LARP1: variants seen among roughly 807,000 people sequenced by gnomAD.
LARP1 encodes La ribonucleoprotein 1, translational regulator, also known as la-related protein 1.
LARP1 carries 36 observed loss-of-function variants against 122.7 expected under a neutral mutation model. The observed-to-expected ratio is 0.29, with a 90% confidence interval of 0.22 to 0.39. LARP1 has a LOEUF of 0.39. Ranked by LOEUF, LARP1 falls within the 10% of genes least tolerant of loss-of-function variation. The pLI, the probability that LARP1 is intolerant of heterozygous loss-of-function variation, is 1.00. For synonymous variants in LARP1, 539 were observed against 528.7 expected, an observed-to-expected ratio of 1.02 and a Z score of -0.27; for missense variants, 1,040 against 1,403.6, an observed-to-expected ratio of 0.74 and a Z score of 4.14.
exon 1 of LARP1, chr5:154,712,908 C>T: frequency 6.2e-7 from 1 of 1,609,348 alleles, no homozygotes. Flanking sequence ...CATAGTGACC[C>T]CAGGCCCTGG....
chr5:154,683,397 A>G (rs1216795755), intron 1 of LARP1, among the ~76,000 whole-genome samples: 1 of 152,252 alleles, frequency 6.6e-6, no homozygotes, highest in Admixed American at 6.5e-5. Context: ...ATACTTAAAC[A>G]TCACTCATTT....
rs767016027 is a variant in LARP1 at position 154,791,398 on chromosome 5, GA to G, written c.564+689del. On this transcript the variant is annotated intron_variant, in intron 3 of 18. Transcript: ENST00000518297. ...CTGGCTAATTTTTGTATATTTTAGA[GA>G]CGAGGTTTTACCATGTTGGCCAGGC... Among the ~76,000 whole-genome samples the G allele has an allele frequency of 1.8e-4, 28 of 151,992 alleles. No homozygotes were observed. The Middle Eastern group carries it at 0.01, about 55-fold the overall frequency.
intron 14 of LARP1, chr5:154,804,732 G>C (rs934936744): frequency 2.2e-6 from 1 of 456,042 alleles, no homozygotes; most frequent in Non-Finnish European, 4.4e-6. Flanking sequence ...TGCTGACCCT[G>C]CTTCTTGGGG....
intron 1 of LARP1, chr5:154,685,725 A>T: frequency 2.6e-6 from 1 of 387,130 alleles, no homozygotes; most frequent in Non-Finnish European, 5.0e-6. Flanking sequence ...TAATTCCAAC[A>T]CTTTGGGAGG....
intron 1 of LARP1, among the ~76,000 whole-genome samples, chr5:154,743,834 G>A (rs1379627129): frequency 1.3e-5 from 2 of 152,114 alleles, no homozygotes; most frequent in East Asian, 3.9e-4. Flanking sequence ...TGGCCAGGCT[G>A]GTCTCCAACT....
chr5:154,713,865 T>C (rs1307319740), intron 1 of LARP1, among the ~76,000 whole-genome samples: 4 of 152,154 alleles, frequency 2.6e-5, no homozygotes, highest in Non-Finnish European at 5.9e-5. Context: ...GGAAGCCTGG[T>C]TGGGGGAGCT....
In LARP1 at chr5:154,759,518, A is replaced by G. The variant is rs549062910; in HGVS notation, c.436+3325A>G. On this transcript the variant is annotated intron_variant, in intron 1 of 18. Transcript: ENST00000518297. ...ATGTGGTGAGATGAATTTTAAAAAAATAAGTTTTAACTTTTTAGTTTGCCT... is the reference window on the plus strand; with the variant it reads ...ATGTGGTGAGATGAATTTTAAAAAAGTAAGTTTTAACTTTTTAGTTTGCCT... Among the ~76,000 whole-genome samples the G allele has an allele frequency of 1.5e-4, 23 of 152,342 alleles. No individual in the cohort carries two copies. In the South Asian group the frequency reaches 2.1e-3, roughly 14 times the overall value.
upstream of LARP1, among the ~76,000 whole-genome samples, chr5:154,710,297 T>G (rs1405377824): frequency 6.6e-6 from 1 of 152,152 alleles, no homozygotes; most frequent in East Asian, 1.9e-4. Context: ...TTATTTGTTT[T>G]CAGATCGGCT....
At chr5:154,761,483 C>T (rs1208466000) in intron 1 of LARP1, among the ~76,000 whole-genome samples, 1 of 152,098 alleles carries the variant, frequency 6.6e-6, no homozygotes, top group Non-Finnish European at 1.5e-5. Flanking sequence ...GGAGGAGCAG[C>T]CGGCCTGAAA....
intron 1 of LARP1, among the ~76,000 whole-genome samples, chr5:154,771,115 A>AG (rs1755390722): frequency 2.8e-5 from 4 of 144,672 alleles, no homozygotes; most frequent in African/African-American, 1.1e-4. Context: ...GTGTCTCAAA[A>AG]GAAAAAAAAA....
chr5:154,771,078 C>T (rs1347089225), intron 1 of LARP1, among the ~76,000 whole-genome samples: 2 of 151,148 alleles, frequency 1.3e-5, no homozygotes, highest in East Asian at 2.0e-4. Context: ...CGCCACTGCC[C>T]TCCAGCCTGG....
intron 1 of LARP1, among the ~76,000 whole-genome samples, chr5:154,707,223 T>A (rs1754993083): frequency 6.6e-6 from 1 of 152,100 alleles, no homozygotes; most frequent in African/African-American, 2.4e-5. Flanking sequence ...GCCTTGGCAA[T>A]ACAGCCAGAC....
chr5:154,690,304 T>C (rs952517962), intron 1 of LARP1, among the ~76,000 whole-genome samples: 1 of 152,148 alleles, frequency 6.6e-6, no homozygotes, highest in Non-Finnish European at 1.5e-5. Context: ...GCAGGTTTCA[T>C]GTAGGATCGA....
chr5:154,732,672 A>G (rs373768856), intron 1 of LARP1, among the ~76,000 whole-genome samples: 1 of 151,812 alleles, frequency 6.6e-6, no homozygotes, highest in African/African-American at 2.4e-5. Context: ...CTGGTGGGCA[A>G]AATATTCATC....
At chr5:154,797,221 GTTTTTTTTTTTT>G (rs1158010359) in intron 8 of LARP1, among the ~76,000 whole-genome samples, 7 of 29,780 alleles carry the variant, frequency 2.4e-4, no homozygotes, top group African/African-American at 4.2e-4. Context: ...TGTTGTTGTT[GTTTTTTTTTTTT>G]TTTTTTTTTT....
intron 1 of LARP1, among the ~76,000 whole-genome samples, chr5:154,782,785 G>A (rs1756568078): frequency 6.6e-6 from 1 of 152,208 alleles, no homozygotes; most frequent in Non-Finnish European, 1.5e-5. Context: ...GGACTGGGCA[G>A]AGAGGCCTCT....
intron 8 of LARP1, among the ~76,000 whole-genome samples, chr5:154,796,916 C>T (rs550961623): frequency 8.5e-5 from 13 of 152,180 alleles, no homozygotes; most frequent in Admixed American, 2.0e-4. Flanking sequence ...GGTTTGTTTT[C>T]GTATCATTTG....
At chr5:154,739,232 G>C (rs1757084838) in intron 1 of LARP1, among the ~76,000 whole-genome samples, 1 of 152,054 alleles carries the variant, frequency 6.6e-6, no homozygotes, top group Non-Finnish European at 1.5e-5. Flanking sequence ...GTGTTAGCCA[G>C]GATGGTCTCG....
chr5:154,794,381 AAGATAG>A, intron 7 of LARP1, 119 bp downstream of exon 7: 2 of 924,680 alleles, frequency 2.2e-6, no homozygotes, highest in Non-Finnish European at 3.2e-6. Context: ...TCAGGCTGAA[AAGATAG>A]CTTTTCTCAT....
Sources: gnomAD v4.1 joint callset for allele counts (sites outside exome capture counted in the v4.1 genomes callset) on GRCh38, gnomAD v4.1.1 for gene constraint, MANE v1.5 for transcripts, NCBI Gene and HGNC (gene_info 2026-07-23, HGNC 2026-07-21) for gene names.